ULK4: variants seen among roughly 807,000 people sequenced by gnomAD.
ULK4 encodes inactive serine/threonine-protein kinase ULK4.
A neutral mutation model predicts 160.6 loss-of-function variants in ULK4; 133 were observed. That is an observed-to-expected ratio of 0.83 (90% CI 0.72 to 0.96). The LOEUF (loss-of-function observed/expected upper bound fraction) is 0.96, where lower values mean the gene tolerates loss of function less well. ULK4 is among the 40% of genes least tolerant of loss of function. The pLI, the probability that ULK4 is intolerant of heterozygous loss-of-function variation, is 0.00. For synonymous variants in ULK4, 534 were observed against 539.8 expected, an observed-to-expected ratio of 0.99 and a Z score of 0.15; for missense variants, 1,580 against 1,499.5, an observed-to-expected ratio of 1.05 and a Z score of -0.89.
intron 30 of ULK4, among the ~76,000 whole-genome samples, chr3:41,619,787 T>C (rs779333399): frequency 6.6e-6 from 1 of 152,002 alleles, no homozygotes; most frequent in Non-Finnish European, 1.5e-5. Flanking sequence ...CTGAAAGAGA[T>C]GGAGACACGA....
chr3:41,733,893 C>T (rs1192431757), intron 22 of ULK4, among the ~76,000 whole-genome samples: 1 of 151,904 alleles, frequency 6.6e-6, no homozygotes, highest in East Asian at 1.9e-4. Flanking sequence ...TGCCACCACG[C>T]CCAGCTAATT....
In ULK4 at chr3:41,818,469, T is replaced by C. The variant is rs79534432; in HGVS notation, c.1848+954A>G. 2.6e-3 allele frequency among the ~76,000 whole-genome samples: 389 copies of C among 152,362 alleles called. 2 individuals carry two copies. The highest frequency in any genetic ancestry group is 8.7e-3 in the African/African-American group (361 of 41,590). On this transcript the variant is annotated intron_variant, in intron 19 of 36. Transcript: ENST00000301831. ...GCACCTAGCTTGAAGCTCTGAATGTTAAACCCAAACACGTCTTTTGATGAT... is the reference window on the plus strand; with the variant it reads ...GCACCTAGCTTGAAGCTCTGAATGTCAAACCCAAACACGTCTTTTGATGAT...
At chr3:41,935,083 T>A (rs961092265) in intron 4 of ULK4, among the ~76,000 whole-genome samples, 8 of 142,570 alleles carry the variant, frequency 5.6e-5, no homozygotes, top group African/African-American at 2.1e-4. Context: ...TGCAGTGGCA[T>A]CAGCTCACTG....
chr3:41,595,733 A>G (rs1176304454), intron 31 of ULK4, among the ~76,000 whole-genome samples: 1 of 152,208 alleles, frequency 6.6e-6, no homozygotes, highest in Non-Finnish European at 1.5e-5. Flanking sequence ...GTAATAACAG[A>G]GAGTGATTAA....
chr3:41,939,488 C>A (rs903043911), intron 2 of ULK4, among the ~76,000 whole-genome samples: 4 of 28,412 alleles, frequency 1.4e-4, no homozygotes, highest in African/African-American at 2.4e-4. Context: ...GGTGATAGGA[C>A]AATTATCCTT....
At chr3:41,759,580 T>C (rs912543694) in intron 21 of ULK4, among the ~76,000 whole-genome samples, 3 of 152,204 alleles carry the variant, frequency 2.0e-5, no homozygotes, top group African/African-American at 7.2e-5. Context: ...ATAGACTTAA[T>C]GCAACTTCAA....
chr3:41,485,369 G>A lies in ULK4; in HGVS notation c.3227-22116C>T, dbSNP rs142359029. Among the ~76,000 whole-genome samples, 248 of 152,272 alleles carry A rather than the reference G, an allele frequency of 1.6e-3. 2 individuals are homozygous for A. The highest frequency in any genetic ancestry group is 5.7e-3 in the African/African-American group (235 of 41,558). ...ACAGAAAAGAATAAGAAAGGAAAGC[G>A]GGAATGCTTCCCATAGGAAGTTGAA... On this transcript the variant is annotated intron_variant, in intron 32 of 36. Coordinates refer to ENST00000301831, the MANE Select transcript of ULK4 (RefSeq NM_017886.4).
chr3:41,493,926 G>A (rs1265893658), intron 32 of ULK4, among the ~76,000 whole-genome samples: 2 of 150,476 alleles, frequency 1.3e-5, no homozygotes, highest in Non-Finnish European at 3.0e-5. Flanking sequence ...CTCAAATTGT[G>A]GCAATAATCA....
At chr3:41,472,675 T>C (rs1055973644) in intron 32 of ULK4, among the ~76,000 whole-genome samples, 3 of 152,124 alleles carry the variant, frequency 2.0e-5, no homozygotes, top group African/African-American at 4.8e-5. Context: ...GGCTTCACTG[T>C]TGAATTCTAC....
intron 5 of ULK4, among the ~76,000 whole-genome samples, chr3:41,920,374 C>A (rs995927984): frequency 2.0e-5 from 3 of 152,230 alleles, no homozygotes; most frequent in African/African-American, 7.2e-5. Flanking sequence ...GGAGAGGATG[C>A]AATCCTACCA....
chr3:41,937,364 C>T, intron 3 of ULK4: 1 of 682,244 alleles, frequency 1.5e-6, no homozygotes, highest in Non-Finnish European at 2.7e-6. Context: ...AAAATAAAAT[C>T]AAATAAGTTA....
At chr3:41,335,605 T>C (rs1478811401) in intron 35 of ULK4, among the ~76,000 whole-genome samples, 2 of 152,150 alleles carry the variant, frequency 1.3e-5, no homozygotes, top group Non-Finnish European at 2.9e-5. Context: ...CTGTGATGTG[T>C]GTAAACAGCT....
chr3:41,780,110 G>A (rs115882047), intron 21 of ULK4, among the ~76,000 whole-genome samples: 385 of 151,312 alleles, frequency 2.5e-3, no homozygotes, highest in Middle Eastern at 0.017. Flanking sequence ...CCAAGAGCTC[G>A]ATAGCAGCCT....
At chr3:41,787,323 G>C (rs1365194675) in intron 21 of ULK4, among the ~76,000 whole-genome samples, 1 of 152,164 alleles carries the variant, frequency 6.6e-6, no homozygotes, top group Admixed American at 6.5e-5. Flanking sequence ...CACTCCACCA[G>C]CATCAGTGGA....
chr3:41,436,516 C>T (rs1221711932), intron 34 of ULK4, among the ~76,000 whole-genome samples: 1 of 152,180 alleles, frequency 6.6e-6, no homozygotes, highest in Non-Finnish European at 1.5e-5. Context: ...AAGGGGCCAG[C>T]AGAGCTCTTC....
chr3:41,367,608 T>C (rs1225299693), intron 35 of ULK4, among the ~76,000 whole-genome samples: 1 of 152,214 alleles, frequency 6.6e-6, no homozygotes. Flanking sequence ...GCCTGCTTCC[T>C]GCTTATGGTG....
chr3:41,470,066 C>T (rs1051400609), intron 32 of ULK4, among the ~76,000 whole-genome samples: 9 of 75,842 alleles, frequency 1.2e-4, no homozygotes, highest in Non-Finnish European at 2.5e-4. Flanking sequence ...TTTAAAGGAA[C>T]TAATGGCTGA....
chr3:41,346,775 G>A (rs979707729), intron 35 of ULK4, among the ~76,000 whole-genome samples: 2 of 152,180 alleles, frequency 1.3e-5, no homozygotes, highest in African/African-American at 2.4e-5. Context: ...ACAGCAAGCA[G>A]AGATATTCTA....
At chr3:41,896,083 A>G (rs1698139995) in intron 15 of ULK4, among the ~76,000 whole-genome samples, 1 of 152,162 alleles carries the variant, frequency 6.6e-6, no homozygotes, top group Non-Finnish European at 1.5e-5. Context: ...CCAGGGGAAG[A>G]GGAAAAAAAT....
Sources: gnomAD v4.1 joint callset for allele counts (sites outside exome capture counted in the v4.1 genomes callset) on GRCh38, gnomAD v4.1.1 for gene constraint, MANE v1.5 for transcripts, NCBI Gene and HGNC (gene_info 2026-07-23, HGNC 2026-07-21) for gene names.